Variants in MTCL2 observed in about 807,000 individuals in gnomAD.
MTCL2 encodes microtubule cross-linking factor 2.
chr20:36,859,738 G>A, the MTCL2 span: 3 of 1,231,606 alleles, frequency 2.4e-6, no homozygotes, highest in Admixed American at 8.4e-5. Flanking sequence ...CCTGAGCAGG[G>A]CCACCCACCA....
chr20:36,836,308 G>A, the MTCL2 span, among the ~76,000 whole-genome samples: 3 of 150,704 alleles, frequency 2.0e-5, no homozygotes, highest in African/African-American at 7.3e-5. Flanking sequence ...CCATATAGCT[G>A]GGACTATAGG....
the MTCL2 span, among the ~76,000 whole-genome samples, chr20:36,801,743 A>G: frequency 6.6e-6 from 1 of 152,104 alleles, no homozygotes; most frequent in African/African-American, 2.4e-5. Context: ...AGGCGGGCGG[A>G]TCACCTGAGG....
the MTCL2 span, chr20:36,780,248 T>C: frequency 1.3e-5 from 2 of 150,628 alleles, no homozygotes; most frequent in African/African-American, 4.9e-5. Context: ...ATACCTAGAA[T>C]AGGCCAATCC....
chr20:36,839,789 G>A, the MTCL2 span, among the ~76,000 whole-genome samples: 4 of 152,178 alleles, frequency 2.6e-5, no homozygotes, highest in East Asian at 1.9e-4. This position sits in a 1 kb window ranked among gnomAD's most constrained non-coding sequence, Gnocchi z 5.1. Flanking sequence ...GCCTTCCCGA[G>A]GAATGCAGCC....
the MTCL2 span, chr20:36,803,079 C>A: frequency 1.6e-5 from 25 of 1,608,764 alleles, no homozygotes; most frequent in Non-Finnish European, 2.0e-5. Flanking sequence ...TGCCCGCTCC[C>A]CGGCCCCCTT....
chr20:36,851,569 T>C, the MTCL2 span, among the ~76,000 whole-genome samples: 1 of 152,214 alleles, frequency 6.6e-6, no homozygotes, highest in Non-Finnish European at 1.5e-5. Flanking sequence ...GCCCCCCATC[T>C]CTGCCCTGCT....
chr20:36,808,749 G>A, the MTCL2 span: 90 of 1,573,410 alleles, frequency 5.7e-5, no homozygotes, highest in Admixed American at 2.7e-4. Flanking sequence ...TTCAGCTGCC[G>A]GGGGACAAGA....
chr20:36,787,880 C>T, the MTCL2 span, among the ~76,000 whole-genome samples: 2 of 122,684 alleles, frequency 1.6e-5, no homozygotes, highest in East Asian at 4.9e-4. Context: ...AGCAAGACTC[C>T]ATCTGAAAAA....
chr20:36,839,579 G>A, the MTCL2 span: 6 of 699,394 alleles, frequency 8.6e-6, no homozygotes, highest in South Asian at 3.9e-5. The surrounding 1 kb of genome is among the most constrained non-coding windows in gnomAD (Gnocchi z 5.1). Context: ...CTCCAAAGAC[G>A]TCCATGTTCA....
chr20:36,813,284 G>A, the MTCL2 span, among the ~76,000 whole-genome samples: 1 of 138,896 alleles, frequency 7.2e-6, no homozygotes, highest in East Asian at 2.0e-4. Context: ...TTGCCCTCCA[G>A]CGTGGGCAAC....
At chr20:36,817,311 GGGGA>G in the MTCL2 span, 3 of 1,032,612 alleles carry the variant, frequency 2.9e-6, no homozygotes, top group Non-Finnish European at 4.2e-6. Context: ...AAATGAGCAA[GGGGA>G]GGACAGGGCA....
At chr20:36,829,181 T>A in the MTCL2 span, 1 of 1,610,926 alleles carries the variant, frequency 6.2e-7, no homozygotes, top group Non-Finnish European at 8.5e-7. Flanking sequence ...CTCGAGCTCC[T>A]TATGCAGCCG....
chr20:36,829,881 C>T, the MTCL2 span, among the ~76,000 whole-genome samples: 1 of 152,186 alleles, frequency 6.6e-6, no homozygotes, highest in Non-Finnish European at 1.5e-5. Flanking sequence ...TGCCTGTAAT[C>T]CCAGCACTTT....
chr20:36,794,242 G>A, the MTCL2 span: 4 of 1,549,766 alleles, frequency 2.6e-6, no homozygotes, highest in Non-Finnish European at 3.5e-6. This position sits in a 1 kb window ranked among gnomAD's most constrained non-coding sequence, Gnocchi z 5.4. Flanking sequence ...TGGTGAAGAG[G>A]AAGCCGGGCT....
the MTCL2 span, among the ~76,000 whole-genome samples, chr20:36,791,706 A>G: frequency 6.6e-6 from 1 of 152,202 alleles, no homozygotes; most frequent in Non-Finnish European, 1.5e-5. Context: ...GAACTGGAAG[A>G]TGTTGTAAAG....
chr20:36,803,039 C>T, the MTCL2 span: 1 of 1,605,922 alleles, frequency 6.2e-7, no homozygotes. Flanking sequence ...CCTCACGCTC[C>T]CGCTGTAGGG....
At chr20:36,834,385 G>A in the MTCL2 span, among the ~76,000 whole-genome samples, 1 of 152,124 alleles carries the variant, frequency 6.6e-6, no homozygotes, top group Non-Finnish European at 1.5e-5. Context: ...TGTATCTGAG[G>A]AAGGGGGCGT....
chr20:36,802,555 CT>C, the MTCL2 span, among the ~76,000 whole-genome samples: 2 of 152,106 alleles, frequency 1.3e-5, no homozygotes, highest in African/African-American at 4.8e-5. Context: ...ATCCACTGTA[CT>C]TGCTAAGCTG....
At chr20:36,858,918 G>A in the MTCL2 span, among the ~76,000 whole-genome samples, 2 of 152,134 alleles carry the variant, frequency 1.3e-5, no homozygotes, top group Non-Finnish European at 2.9e-5. Flanking sequence ...AGCCTCCTGA[G>A]TAGCTGGGAT....
Sources: allele counts gnomAD v4.1 joint callset (sites outside exome capture counted in the v4.1 genomes callset), GRCh38; gene constraint gnomAD v4.1.1; non-coding constraint Gnocchi (gnomAD v3.1); transcripts MANE v1.5; gene names NCBI Gene and HGNC (gene_info 2026-07-23, HGNC 2026-07-21).